Variants in LARGE1 observed in about 807,000 individuals in gnomAD.
LARGE1 encodes the protein xylosyl- and glucuronyltransferase LARGE1.
Under a neutral mutation model 87.6 loss-of-function variants are expected in LARGE1, and 43 were observed. The ratio of observed to expected loss-of-function variants is 0.49; its 90% confidence interval spans 0.38 to 0.63. LARGE1 has a LOEUF of 0.63. Among genes scored for constraint, LARGE1 ranks in the 30% least tolerant of loss-of-function variants. The pLI is 0.00. For missense variants in LARGE1, 802 were observed against 1,000.2 expected, an observed-to-expected ratio of 0.80 and a Z score of 2.67; for synonymous variants, 434 against 394.6, an observed-to-expected ratio of 1.10 and a Z score of -1.18.
chr22:33,712,926 T>C (rs1245846505), intron 2 of LARGE1, among the ~76,000 whole-genome samples: 2 of 152,084 alleles, frequency 1.3e-5, no homozygotes, highest in African/African-American at 4.8e-5. Flanking sequence ...TTGTCAACGG[T>C]GAGGACGACA....
At chr22:33,726,598 T>G (rs1348178588) in intron 2 of LARGE1, among the ~76,000 whole-genome samples, 1 of 152,206 alleles carries the variant, frequency 6.6e-6, no homozygotes, top group Non-Finnish European at 1.5e-5. Context: ...TTTCCTTGCT[T>G]CTAAAAATAT....
chr22:33,173,671 A>G (rs538757525), intron 11 of LARGE1, among the ~76,000 whole-genome samples: 19 of 152,190 alleles, frequency 1.2e-4, no homozygotes, highest in African/African-American at 4.6e-4. Context: ...AAAGAAAAAA[A>G]AAAAGCAGGG....
chr22:33,463,263 TAA>T (rs139941746), intron 6 of LARGE1, among the ~76,000 whole-genome samples: 3,087 of 149,656 alleles, frequency 0.021, 95 homozygotes, highest in African/African-American at 0.072. Context: ...ACTCTGAAAA[TAA>T]AAAGAGGGAA....
intron 1 of LARGE1, among the ~76,000 whole-genome samples, chr22:33,768,804 G>A (rs916212854): frequency 1.3e-5 from 2 of 152,168 alleles, no homozygotes; most frequent in African/African-American, 4.8e-5. Context: ...CTCAAAGGGT[G>A]GTCCTTGAAC....
intron 1 of LARGE1, among the ~76,000 whole-genome samples, chr22:33,799,270 C>G (rs1173666243): frequency 1.3e-5 from 2 of 152,060 alleles, no homozygotes; most frequent in Non-Finnish European, 2.9e-5. Flanking sequence ...TGGAGACGGG[C>G]ATACCACTGC....
At chr22:33,649,181 A>G (rs1241305847) in intron 3 of LARGE1, among the ~76,000 whole-genome samples, 1 of 152,144 alleles carries the variant, frequency 6.6e-6, no homozygotes, top group African/African-American at 2.4e-5. Flanking sequence ...AAATGCTCCT[A>G]TCCTCAGGGG....
intron 9 of LARGE1, among the ~76,000 whole-genome samples, chr22:33,381,390 T>G (rs1220009886): frequency 6.6e-6 from 1 of 152,160 alleles, no homozygotes; most frequent in Non-Finnish European, 1.5e-5. Flanking sequence ...TGATGAAAGC[T>G]TTTTCTGTCA....
intron 2 of LARGE1, among the ~76,000 whole-genome samples, chr22:33,746,087 C>T (rs917561115): frequency 1.1e-4 from 16 of 152,128 alleles, no homozygotes; most frequent in African/African-American, 2.9e-4. Flanking sequence ...AATATCAGCA[C>T]GAAAATTAGT....
At chr22:33,494,143 T>C (rs144340553) in intron 6 of LARGE1, among the ~76,000 whole-genome samples, 2 of 152,342 alleles carry the variant, frequency 1.3e-5, no homozygotes, top group Admixed American at 6.5e-5. Context: ...TCAACAGCTG[T>C]ATAAAGCTGT....
At chr22:33,289,708 T>G (rs939227031) in intron 12 of LARGE1, among the ~76,000 whole-genome samples, 1 of 152,134 alleles carries the variant, frequency 6.6e-6, no homozygotes, top group Non-Finnish European at 1.5e-5. Context: ...AGTCCCTCTT[T>G]GTAACAAAAA....
intron 2 of LARGE1, among the ~76,000 whole-genome samples, chr22:33,652,920 G>A (rs2149196374): frequency 6.6e-6 from 1 of 152,272 alleles, no homozygotes; most frequent in Non-Finnish European, 1.5e-5. Context: ...CACTGCCTGG[G>A]ACCACAAATC....
intron 2 of LARGE1, among the ~76,000 whole-genome samples, chr22:33,719,590 G>A (rs528631812): frequency 2.6e-5 from 4 of 151,510 alleles, no homozygotes; most frequent in East Asian, 1.9e-4. Flanking sequence ...GCACAGTCTC[G>A]GCTCATTGCA....
chr22:33,670,994 T>A (rs1225301679), intron 2 of LARGE1, among the ~76,000 whole-genome samples: 1 of 152,088 alleles, frequency 6.6e-6, no homozygotes, highest in Non-Finnish European at 1.5e-5. Context: ...AAATGTGAGA[T>A]CCTATGGTTG....
chr22:33,451,205 C>A (rs2147917276), intron 6 of LARGE1, among the ~76,000 whole-genome samples: 1 of 152,120 alleles, frequency 6.6e-6, no homozygotes, highest in Middle Eastern at 3.4e-3. Flanking sequence ...ATGGAGGCAT[C>A]CAAGTTCAGG....
chr22:33,331,342 A>C (rs1048322410), intron 10 of LARGE1, among the ~76,000 whole-genome samples: 3 of 152,050 alleles, frequency 2.0e-5, no homozygotes, highest in Non-Finnish European at 4.4e-5. Flanking sequence ...GAAAAAGTTA[A>C]AATAATGCAA....
intron 2 of LARGE1, chr22:33,737,460 T>C (rs1006306753): frequency 1.3e-5 from 2 of 152,180 alleles, no homozygotes; most frequent in Non-Finnish European, 2.9e-5. Flanking sequence ...CGTTAACTGC[T>C]AATATTAATT....
chr22:33,655,762 GAACT>G (rs2080941918), intron 2 of LARGE1, among the ~76,000 whole-genome samples: 1 of 152,008 alleles, frequency 6.6e-6, no homozygotes, highest in Non-Finnish European at 1.5e-5. Context: ...AGAAAGAGAA[GAACT>G]AACAACTATA....
chr22:33,468,480 A>G (rs530075687), intron 6 of LARGE1, among the ~76,000 whole-genome samples: 16 of 152,264 alleles, frequency 1.1e-4, no homozygotes, highest in African/African-American at 3.9e-4. Context: ...TAATTTTTCT[A>G]TTATAGTCAC....
In LARGE1 at chr22:33,337,804, G is replaced by T; in HGVS notation, c.1132-3C>A. 6.2e-7 allele frequency: 1 copy of T among 1,614,152 alleles called. No homozygotes were observed. The highest frequency in any genetic ancestry group is 8.5e-7 in the Non-Finnish European group (1 of 1,180,014). ...TTGGGGGAGTTCCAGTGAATGACCT[G>T]GCAGGGAGATAAGGAAGTGGTCAGG... On this transcript the variant is annotated splice_polypyrimidine_tract_variant and splice_region_variant and intron_variant, in intron 9 of 14. Transcript: ENST00000397394.
Sources: allele counts gnomAD v4.1 joint callset (sites outside exome capture counted in the v4.1 genomes callset), GRCh38; gene constraint gnomAD v4.1.1; transcripts MANE v1.5; gene names NCBI Gene and HGNC (gene_info 2026-07-23, HGNC 2026-07-21).